The following UCP2 variants were observed in gnomAD, a reference collection of about 807,000 sequenced individuals.
The protein encoded by UCP2 is uncoupling protein 2.
Under a neutral mutation model 31.3 loss-of-function variants are expected in UCP2, and 27 were observed. The ratio of observed to expected loss-of-function variants is 0.86; its 90% confidence interval spans 0.64 to 1.19. UCP2 has a LOEUF of 1.19. UCP2 is among the 50% of genes most tolerant of loss of function. UCP2 has a pLI of 0.00. For synonymous variants in UCP2, 142 were observed against 157.4 expected (o/e 0.90, Z 0.73); for missense variants, 377 against 413.5 (o/e 0.91, Z 0.76).
chr11:73,976,359 A>AAAAC (rs1037266878), intron 6 of UCP2, among the ~76,000 whole-genome samples: 1 of 152,022 alleles, frequency 6.6e-6, no homozygotes, highest in African/African-American at 2.4e-5. Context: ...AAAAAAACAA[A>AAAAC]AAACAAACAA....
chr11:73,982,295 G>A (rs571626126), intron 1 of UCP2, among the ~76,000 whole-genome samples: 1 of 152,336 alleles, frequency 6.6e-6, no homozygotes, highest in East Asian at 1.9e-4. Flanking sequence ...GGACAGAAAG[G>A]ATTAGCACAG....
At chr11:73,979,527 C>T (rs565528330) in intron 2 of UCP2, among the ~76,000 whole-genome samples, 113 of 151,780 alleles carry the variant, frequency 7.4e-4, no homozygotes, top group African/African-American at 2.3e-3. Context: ...GCCTAGGCGA[C>T]AGAGCAAGAC....
In UCP2 at chr11:73,974,966, G is replaced by T; in HGVS notation, c.*41C>A. 1 of 1,535,108 alleles carries T rather than the reference G, an allele frequency of 6.5e-7. No individual in the cohort carries two copies. Among genetic ancestry groups the T allele is most frequent in the Non-Finnish European group, 9.0e-7 (1 of 1,114,998 alleles). ...AGAAAAGGAAAGCATGGCCCGGCTA[G>T]AGACAAAGCCAGAGGTGATCAGGTC... On this transcript the variant is annotated 3_prime_UTR_variant, in exon 8 of 8. Transcript: ENST00000663595.
chr11:73,976,375 A>C (rs1276274544), intron 6 of UCP2, among the ~76,000 whole-genome samples: 2 of 152,140 alleles, frequency 1.3e-5, no homozygotes, highest in Non-Finnish European at 2.9e-5. Context: ...AACAAACAAA[A>C]AAACAAAAAC....
At chr11:73,975,993 G>A (rs1951337287) in intron 6 of UCP2, among the ~76,000 whole-genome samples, 1 of 152,114 alleles carries the variant, frequency 6.6e-6, no homozygotes, top group South Asian at 2.1e-4. Flanking sequence ...TTGAGTCAGG[G>A]AGGTCGAGGC....
Position 73,978,278 on chromosome 11 carries a change from AG to A in UCP2, c.100del (p.Leu34TrpfsTer29). On this transcript the variant is annotated frameshift_variant, in exon 3 of 8. Coordinates refer to ENST00000663595, the MANE Select transcript of UCP2 (RefSeq NM_003355.3). LOFTEE classifies it high-confidence loss of function. ...CTGTAACCGGACTTTAGCAGTATCCAGAGGAAAGGTGATGAGATCTGCGATG... is the reference window on the plus strand; with the variant it reads ...CTGTAACCGGACTTTAGCAGTATCCAAGGAAAGGTGATGAGATCTGCGATG... ...ACIADLITFP[L>X]DTAKVRLQIQ... is the part of the protein sequence containing the mutation. The A allele has an allele frequency of 6.2e-7, 1 of 1,614,224 alleles. No homozygotes were observed. The highest frequency in any genetic ancestry group is 1.3e-5 in the African/African-American group (1 of 75,044).
chr11:73,978,051 G>T lies in UCP2; in HGVS notation c.172C>A (p.Gln58Lys). 6.2e-7 allele frequency: 1 copy of T among 1,614,174 alleles called. No individual in the cohort carries two copies. Among genetic ancestry groups the T allele is most frequent in the Non-Finnish European group, 8.5e-7 (1 of 1,180,030 alleles). Residue 58 changes from glutamine to lysine, a missense_variant, in exon 4 of 8, where the codon CAG (glutamine) becomes AAG (lysine). Gln to Lys is a moderately conservative substitution (Grantham distance 53). Transcript: ENST00000663595. The part of the protein sequence containing the change: ...QGPVRATASA[Q>K]YRGVMGTILT... The stretch of plus-strand genomic sequence containing the variant: ...ATGGTGCCCATCACACCGCGGTACT[G>T]GGCGCTGGCTGTAGCGCGCACTGGC...
At chr11:73,975,229 G>T in intron 7 of UCP2, 108 bp from the exon 8 acceptor site, 2 of 1,103,114 alleles carry the variant, frequency 1.8e-6, no homozygotes, top group South Asian at 1.3e-5. Context: ...GAGGCTGGGA[G>T]GACTCAATGA....
intron 3 of UCP2, 73 bp from the exon 4 acceptor site, chr11:73,978,169 C>T (rs1591220818): frequency 6.2e-7 from 1 of 1,613,766 alleles, no homozygotes; most frequent in African/African-American, 1.3e-5. Flanking sequence ...CTCGATGCTC[C>T]AAACACTGGC....
Position 73,976,811 on chromosome 11 carries a change from A to G in UCP2, c.532+12T>C, listed in dbSNP as rs1020316812. On this transcript the variant is annotated intron_variant, in intron 5 of 7. Transcript: ENST00000663595. Reference sequence around the variant, plus strand: ...AGGAGGAAAAGGGGAAGGGAAAACAACTGGTACACACCTTTCCAGAGGCCC... The same window carrying G: ...AGGAGGAAAAGGGGAAGGGAAAACAGCTGGTACACACCTTTCCAGAGGCCC... 15 of 1,614,064 alleles carry G rather than the reference A, an allele frequency of 9.3e-6. No homozygotes were observed. The highest frequency in any genetic ancestry group is 1.2e-5 in the Non-Finnish European group (14 of 1,180,028).
rs1951380437 is a variant in UCP2, at chr11:73,977,893, G to A, written c.330C>T (p.Gly110=). The A allele has an allele frequency of 1.9e-6, 3 of 1,614,232 alleles. No individual in the cohort carries two copies. In the African/African-American group the frequency reaches 4.0e-5, roughly 22 times the overall value. ...CCCTTGCTCCATACTCACGCTCAGA[G>A]CCCTTGGTGTAGAACTGTTTGACAG... ...YDSVKQFYTK[G]SEHASIGSRL... Residue 110 remains glycine, a synonymous_variant, in exon 4 of 8, where the codon GGC becomes GGT. Coordinates refer to ENST00000663595, the MANE Select transcript of UCP2 (RefSeq NM_003355.3).
At position 73,975,542 on chromosome 11, in the gene UCP2, T is replaced by C; in HGVS notation, c.764A>G (p.His255Arg). The C allele has an allele frequency of 2.5e-6, 4 of 1,613,490 alleles. No individual in the cohort carries two copies. The highest frequency in any genetic ancestry group is 3.4e-6 in the Non-Finnish European group (4 of 1,179,560). The stretch of plus-strand genomic sequence containing the variant: ...CTTCTGGAGCATGGTAAGGGCACAG[T>C]GGCCAGCGCTACTGTACTGGCCCAG... ...SALGQYSSAG[H>R]CALTMLQKEG... The change falls in exon 7 of 8, where the codon CAC (histidine) becomes CGC (arginine). Residue 255 changes from histidine to arginine, a missense_variant. His to Arg is a conservative substitution (Grantham distance 29). Coordinates refer to ENST00000663595, the MANE Select transcript of UCP2 (RefSeq NM_003355.3).
intron 3 of UCP2, 68 bp from the exon 4 acceptor site, chr11:73,978,164 T>A (rs1951391545): frequency 6.2e-7 from 1 of 1,613,968 alleles, no homozygotes; most frequent in African/African-American, 1.3e-5. Flanking sequence ...GTCATCTCGA[T>A]GCTCCAAACA....
chr11:73,978,576 C>T (rs1951401704), intron 2 of UCP2, 99 bp from the exon 3 acceptor site: 2 of 722,562 alleles, frequency 2.8e-6, no homozygotes, highest in Admixed American at 4.9e-5. Flanking sequence ...CCAAGTCCCT[C>T]AGCAAGACTC....
intron 2 of UCP2, 163 bp downstream of exon 2, chr11:73,981,313 A>G (rs1321777296): frequency 1.3e-5 from 2 of 152,206 alleles, no homozygotes; most frequent in African/African-American, 4.8e-5. Flanking sequence ...AAGGGCCAGA[A>G]TGAGAGCGGG....
Position 73,975,751 on chromosome 11 carries a change from G to A in UCP2, c.635-80C>T, listed in dbSNP as rs928101471. On this transcript the variant is annotated intron_variant, in intron 6 of 7. Transcript: ENST00000663595. The stretch of plus-strand genomic sequence containing the variant: ...GCAGGAGAATTACTTAAGTAGCTAC[G>A]AGTTTTCATGATTTTAAAGAGACAG... 5 of 1,537,188 alleles carry A rather than the reference G, an allele frequency of 3.3e-6. No individual in the cohort carries two copies. The South Asian group carries it at 3.4e-5, about 10-fold the overall frequency.
In UCP2 at chr11:73,978,013, CACCATGGT is replaced by C. The variant is rs749089481; in HGVS notation, c.202_209del (p.Thr68AlafsTer3). The C allele has an allele frequency of 1.2e-6, 2 of 1,614,090 alleles. No individual in the cohort carries two copies. Among genetic ancestry groups the C allele is most frequent in the African/African-American group, 2.7e-5 (2 of 74,944 alleles). On this transcript the variant is annotated frameshift_variant, in exon 4 of 8. Transcript: ENST00000663595. LOFTEE classifies it high-confidence loss of function. ...AGAGGCTTCGGGGGCCCTCAGTACG[CACCATGGT>C]CAGAATGGTGCCCATCACACCGCGG...
chr11:73,975,637 C>T lies in UCP2; in HGVS notation c.669G>A (p.Gly223=). Residue 223 remains glycine (G), a synonymous_variant, in exon 7 of 8, where the codon GGG becomes GGA. Coordinates refer to ENST00000663595, the MANE Select transcript of UCP2 (RefSeq NM_003355.3). ...CGATGACAGTGGTGCAGAAGCCTGC[C>T]CCAAAGGCAGAAGTGAAGTGGCAAG... ...DLPCHFTSAF[G]AGFCTTVIAS... 1 of 1,614,154 alleles carries T rather than the reference C, an allele frequency of 6.2e-7. No homozygotes were observed. The highest frequency in any genetic ancestry group is 8.5e-7 in the Non-Finnish European group (1 of 1,180,026).
intron 2 of UCP2, 169 bp from the exon 3 acceptor site, chr11:73,978,646 T>C (rs1951402852): frequency 2.1e-6 from 1 of 465,796 alleles, no homozygotes; most frequent in African/African-American, 2.0e-5. Context: ...TAGGTGCTGG[T>C]GAAGCAATTC....
Sources: allele counts gnomAD v4.1 joint callset (sites outside exome capture counted in the v4.1 genomes callset), GRCh38; gene constraint gnomAD v4.1.1; transcripts MANE v1.5; gene names NCBI Gene and HGNC (gene_info 2026-07-23, HGNC 2026-07-21).